PLXNA2: variants seen among roughly 807,000 people sequenced by gnomAD.
PLXNA2 encodes the protein plexin-A2.
In PLXNA2, 91 loss-of-function variants were observed where a neutral mutation model predicts 193.5. The observed-to-expected ratio is 0.47, with a 90% CI of 0.40 to 0.56. The LOEUF (loss-of-function observed/expected upper bound fraction) is 0.56, where lower values mean the gene tolerates loss of function less well. Ranked by LOEUF, PLXNA2 falls within the 20% of genes least tolerant of loss-of-function variation. PLXNA2 has a pLI of 0.00. For missense variants in PLXNA2, 1,995 were observed against 2,503.2 expected (o/e 0.80, Z 4.33); for synonymous variants, 997 against 1,027.3 (o/e 0.97, Z 0.56).
chr1:208,095,935 G>A (rs1440683919), intron 8 of PLXNA2, 94 bp downstream of exon 8: 15 of 921,672 alleles, frequency 1.6e-5, no homozygotes, highest in East Asian at 4.8e-5. Context: ...TGACTACAAC[G>A]TGGTTCCTGC....
chr1:208,046,868 G>A (rs986214424), intron 17 of PLXNA2, among the ~76,000 whole-genome samples: 2 of 151,576 alleles, frequency 1.3e-5, no homozygotes, highest in East Asian at 3.9e-4. Context: ...GAAGTGGTAC[G>A]AGATGAGCAC....
At chr1:208,111,301 C>T (rs1002154635) in intron 4 of PLXNA2, among the ~76,000 whole-genome samples, 1 of 152,110 alleles carries the variant, frequency 6.6e-6, no homozygotes, top group African/African-American at 2.4e-5. Context: ...CTCCTGGGCT[C>T]AAGGGCTCTC....
chr1:208,071,340 C>T (rs77721761), intron 12 of PLXNA2, among the ~76,000 whole-genome samples: 1,909 of 152,338 alleles, frequency 0.013, 37 homozygotes, highest in Middle Eastern at 0.037. Context: ...GAGGACAAGT[C>T]GAGGATGTGT....
intron 3 of PLXNA2, among the ~76,000 whole-genome samples, chr1:208,162,908 T>A (rs1034901270): frequency 3.3e-5 from 5 of 152,170 alleles, no homozygotes; most frequent in African/African-American, 1.2e-4. Flanking sequence ...GCAACTCACA[T>A]ACAAGGCTGA....
chr1:208,037,538 C>T (rs535347804), intron 26 of PLXNA2, among the ~76,000 whole-genome samples: 8 of 152,104 alleles, frequency 5.3e-5, no homozygotes, highest in South Asian at 2.1e-4. Context: ...CAGCCTGAGG[C>T]GCTTCCTCTA....
chr1:208,211,618 A>C lies in PLXNA2; in HGVS notation c.1189-1156T>G, dbSNP rs540125557. Among the ~76,000 whole-genome samples, 3 of 151,410 alleles carry C rather than the reference A, an allele frequency of 2.0e-5. No individual in the cohort carries two copies. The East Asian group carries it at 5.9e-4, about 30-fold the overall frequency. ...TGAGGTGGGAGAATCGCCTGAACCC[A>C]GGAGGCGGAGGTTGCAGTGAGCCGA... On this transcript the variant is annotated intron_variant, in intron 2 of 31. Transcript: ENST00000367033.
intron 1 of PLXNA2, among the ~76,000 whole-genome samples, chr1:208,227,256 T>C (rs1671540168): frequency 6.6e-6 from 1 of 152,184 alleles, no homozygotes; most frequent in Admixed American, 6.5e-5. Context: ...GAAGAGTAGC[T>C]ACTATTATTA....
chr1:208,211,076 A>G (rs1670927581), intron 2 of PLXNA2, among the ~76,000 whole-genome samples: 1 of 152,242 alleles, frequency 6.6e-6, no homozygotes, highest in Non-Finnish European at 1.5e-5. Context: ...ATGATATCGA[A>G]CAGTACCTTA....
intron 3 of PLXNA2, among the ~76,000 whole-genome samples, chr1:208,178,380 A>G (rs1669730041): frequency 6.6e-6 from 1 of 152,340 alleles, no homozygotes; most frequent in South Asian, 2.1e-4. Context: ...GGTGGGGAAG[A>G]ATGAGGGTGG....
chr1:208,139,280 G>C (rs977931538), intron 4 of PLXNA2, among the ~76,000 whole-genome samples: 3 of 152,162 alleles, frequency 2.0e-5, no homozygotes, highest in African/African-American at 4.8e-5. Flanking sequence ...TGAGGGCCCA[G>C]GTTACCCTTG....
chr1:208,147,738 C>T (rs1178191144), intron 3 of PLXNA2, among the ~76,000 whole-genome samples: 1 of 152,214 alleles, frequency 6.6e-6, no homozygotes, highest in Non-Finnish European at 1.5e-5. Flanking sequence ...CCTGAATTCT[C>T]TGAAGAGGGG....
Position 208,142,382 on chromosome 1 carries a change from C to T in PLXNA2, c.1453G>A (p.Asp485Asn), listed in dbSNP as rs1668481750. 1.2e-6 allele frequency: 2 copies of T among 1,613,960 alleles called. No homozygotes were observed. The highest frequency in any genetic ancestry group is 1.7e-6 in the Non-Finnish European group (2 of 1,179,916). The stretch of plus-strand genomic sequence containing the variant: ...CGCTGATCAATGGAGAAGGCCATGT[C>T]CCGGAGGATGGGGCTTCCGTCCTTG... ...VLKDGSPILR[D>N]MAFSIDQRYL... The change falls in exon 4 of 32, where the codon GAC becomes AAC. Residue 485 changes from aspartate (D) to asparagine (N), a missense_variant. Coordinates refer to ENST00000367033, the MANE Select transcript of PLXNA2 (RefSeq NM_025179.4).
At chr1:208,053,022 C>T (rs1042722617) in intron 14 of PLXNA2, among the ~76,000 whole-genome samples, 15 of 152,184 alleles carry the variant, frequency 9.9e-5, no homozygotes, top group African/African-American at 3.1e-4. Context: ...AGGAGGATGG[C>T]GCATCACTGG....
chr1:208,037,922 C>G (rs951080053), intron 26 of PLXNA2, among the ~76,000 whole-genome samples: 6 of 152,150 alleles, frequency 3.9e-5, no homozygotes, highest in Non-Finnish European at 2.9e-5. Context: ...AATGTAAGAC[C>G]TGAAGAGAAG....
chr1:208,127,099 T>G (rs1667995941), intron 4 of PLXNA2, among the ~76,000 whole-genome samples: 1 of 152,166 alleles, frequency 6.6e-6, no homozygotes, highest in Non-Finnish European at 1.5e-5. Flanking sequence ...CTTTTAAAAC[T>G]CCTTTCTCCA....
chr1:208,074,186 A>C (rs1666067902), intron 12 of PLXNA2, among the ~76,000 whole-genome samples: 1 of 152,062 alleles, frequency 6.6e-6, no homozygotes, highest in Admixed American at 6.5e-5. Context: ...CCCTTAAGAA[A>C]TGTTTTTCTC....
intron 1 of PLXNA2, among the ~76,000 whole-genome samples, chr1:208,231,500 G>A (rs944766278): frequency 6.6e-6 from 1 of 152,106 alleles, no homozygotes; most frequent in African/African-American, 2.4e-5. Flanking sequence ...CCCTCCACAC[G>A]CCTGCGAAGG....
chr1:208,183,785 C>T (rs917697464), intron 3 of PLXNA2, among the ~76,000 whole-genome samples: 1 of 152,204 alleles, frequency 6.6e-6, no homozygotes, highest in Non-Finnish European at 1.5e-5. Context: ...TCTTACAAAA[C>T]TGCCCCCTTT....
At position 208,043,034 on chromosome 1, in the gene PLXNA2, TGGCTGGGCCCAGGA is replaced by T. The variant is rs772065389; in HGVS notation, c.4017+13_4017+26del. 50 of 1,611,492 alleles carry T rather than the reference TGGCTGGGCCCAGGA, an allele frequency of 3.1e-5. 1 individual carries two copies. In the South Asian group the frequency reaches 5.1e-4, roughly 16 times the overall value. On this transcript the variant is annotated intron_variant, in intron 21 of 31. Transcript: ENST00000367033. ...ACCCTGGGCCTGCATCCCTGCTGGG[TGGCTGGGCCCAGGA>T]GGCAGGCATTACCTCCAGCTCCCGC... is the stretch of plus-strand genomic sequence containing the variant.
Sources: gnomAD v4.1 joint callset for allele counts (sites outside exome capture counted in the v4.1 genomes callset) on GRCh38, gnomAD v4.1.1 for gene constraint, MANE v1.5 for transcripts, NCBI Gene and HGNC (gene_info 2026-07-23, HGNC 2026-07-21) for gene names.